Variants in HIVEP2 observed in about 807,000 individuals in gnomAD.
HIVEP2 encodes transcription factor HIVEP2.
A neutral mutation model predicts 180.7 loss-of-function variants in HIVEP2; 14 were observed. The ratio of observed to expected loss-of-function variants is 0.08; its 90% CI spans 0.05 to 0.12. The LOEUF (loss-of-function observed/expected upper bound fraction) is 0.12, where lower values mean the gene tolerates loss of function less well. HIVEP2 is among the 10% of genes least tolerant of loss of function. The pLI is 1.00. For synonymous variants in HIVEP2, 1,184 were observed against 1,136.4 expected, an observed-to-expected ratio of 1.04 and a Z score of -0.84; for missense variants, 2,579 against 3,008.5, an observed-to-expected ratio of 0.86 and a Z score of 3.34.
At chr6:142,853,347 A>G (rs1049143974) in intron 1 of HIVEP2, among the ~76,000 whole-genome samples, 4 of 152,148 alleles carry the variant, frequency 2.6e-5, no homozygotes, top group African/African-American at 9.7e-5. Flanking sequence ...TGTGGTTTCG[A>G]TAAGAATTCA....
At chr6:142,826,559 C>T (rs964960533) in intron 2 of HIVEP2, among the ~76,000 whole-genome samples, 2 of 152,180 alleles carry the variant, frequency 1.3e-5, no homozygotes, top group African/African-American at 2.4e-5. Context: ...TCTAATAAAA[C>T]ATTTTACCAC....
chr6:142,882,751 T>C (rs1416521505), intron 1 of HIVEP2, among the ~76,000 whole-genome samples: 1 of 152,146 alleles, frequency 6.6e-6, no homozygotes, highest in Admixed American at 6.6e-5. Flanking sequence ...ATTTTGAGGG[T>C]TTCTCTTTAT....
chr6:142,835,900 C>A (rs1775210027), intron 2 of HIVEP2, among the ~76,000 whole-genome samples: 1 of 152,094 alleles, frequency 6.6e-6, no homozygotes, highest in South Asian at 2.1e-4. Flanking sequence ...CGCTAAAAAA[C>A]CACCTGACAT....
intron 1 of HIVEP2, among the ~76,000 whole-genome samples, chr6:142,907,087 CATGAA>C (rs957832184): frequency 3.3e-5 from 5 of 152,230 alleles, no homozygotes; most frequent in African/African-American, 1.2e-4. Flanking sequence ...CTACATCTTA[CATGAA>C]ATGAAACTGT....
intron 2 of HIVEP2, among the ~76,000 whole-genome samples, chr6:142,787,735 C>T (rs1271320157): frequency 6.6e-6 from 1 of 151,998 alleles, no homozygotes; most frequent in African/African-American, 2.4e-5. Flanking sequence ...AAGCTTAGAT[C>T]TTCAGAAATA....
At position 142,753,679 on chromosome 6, in the gene HIVEP2, T is replaced by C. The variant is rs760534161; in HGVS notation, c.6769A>G (p.Met2257Val). 3.7e-6 allele frequency: 6 copies of C among 1,614,072 alleles called. No individual in the cohort carries two copies. Among genetic ancestry groups the C allele is most frequent in the Middle Eastern group, 1.6e-4 (1 of 6,062 alleles). ...CCTTTCTTCTCCTCAAAGCCCTCCATTGGCAGGGGCAATGTGGGTGAAGGA... is the reference window on the plus strand; with the variant it reads ...CCTTTCTTCTCCTCAAAGCCCTCCACTGGCAGGGGCAATGTGGGTGAAGGA... ...LHPSPTLPLP[M>V]EGFEEKKGAS... is the part of the protein sequence containing the mutation. Residue 2257 changes from methionine (M) to valine (V), a missense_variant, in exon 10 of 10, where the codon ATG (methionine) becomes GTG (valine). Coordinates refer to ENST00000367603, the MANE Select transcript of HIVEP2 (RefSeq NM_006734.4).
At chr6:142,768,269 A>C in intron 6 of HIVEP2, 113 bp downstream of exon 6, 1 of 948,710 alleles carries the variant, frequency 1.1e-6, no homozygotes, top group Non-Finnish European at 1.6e-6. Context: ...ATAGAAAAGG[A>C]ATTTACTTTC....
At chr6:142,813,456 T>A (rs1341935335) in intron 2 of HIVEP2, among the ~76,000 whole-genome samples, 1 of 152,176 alleles carries the variant, frequency 6.6e-6, no homozygotes, top group African/African-American at 2.4e-5. Flanking sequence ...ATTTAATTGA[T>A]TTTCCTTAAA....
At chr6:142,843,125 C>G (rs570573850) in intron 1 of HIVEP2, among the ~76,000 whole-genome samples, 4 of 152,152 alleles carry the variant, frequency 2.6e-5, no homozygotes, top group Admixed American at 6.6e-5. Flanking sequence ...GATGAGTCAC[C>G]AGGGGAGCTT....
At chr6:142,915,876 G>A (rs1246073941) in intron 1 of HIVEP2, among the ~76,000 whole-genome samples, 5 of 152,118 alleles carry the variant, frequency 3.3e-5, no homozygotes, top group Non-Finnish European at 7.4e-5. Context: ...TCTCCATTTA[G>A]ATAATTCAAA....
chr6:142,902,285 G>A lies in HIVEP2; in HGVS notation c.-641+42814C>T, dbSNP rs567183815. ...GATGTGACACAATTCCTAACATAAT[G>A]TGATGAGATGGGAACCTCGCCTGGT... On this transcript the variant is annotated intron_variant, in intron 1 of 9. Coordinates refer to ENST00000367603, the MANE Select transcript of HIVEP2 (RefSeq NM_006734.4). Among the ~76,000 whole-genome samples the A allele has an allele frequency of 2.6e-5, 4 of 152,098 alleles. No homozygotes were observed. In the South Asian group the frequency reaches 8.3e-4, roughly 32 times the overall value.
intron 2 of HIVEP2, among the ~76,000 whole-genome samples, chr6:142,790,218 T>C (rs924123004): frequency 1.3e-5 from 2 of 152,188 alleles, no homozygotes; most frequent in African/African-American, 2.4e-5. Flanking sequence ...TGTGAAGACA[T>C]GGTAACACCA....
At chr6:142,807,271 T>C (rs1776577519) in intron 2 of HIVEP2, among the ~76,000 whole-genome samples, 1 of 152,138 alleles carries the variant, frequency 6.6e-6, no homozygotes, top group African/African-American at 2.4e-5. Flanking sequence ...CCTTTCCCTT[T>C]GTGTTTAATT....
intron 1 of HIVEP2, among the ~76,000 whole-genome samples, chr6:142,911,355 G>A (rs917227259): frequency 6.6e-6 from 1 of 152,078 alleles, no homozygotes. Flanking sequence ...GATTGCCATA[G>A]GGCATTTAAG....
intron 2 of HIVEP2, among the ~76,000 whole-genome samples, chr6:142,832,419 G>A (rs1775113069): frequency 6.6e-6 from 1 of 152,080 alleles, no homozygotes; most frequent in Admixed American, 6.6e-5. Context: ...CATACAAAAA[G>A]TGGCATGAGA....
At chr6:142,758,695 G>A (rs561427281) in intron 9 of HIVEP2, among the ~76,000 whole-genome samples, 1 of 152,292 alleles carries the variant, frequency 6.6e-6, no homozygotes, top group African/African-American at 2.4e-5. Context: ...AGGCAGGACA[G>A]GTGCTTTTAT....
At chr6:142,879,643 T>C (rs1400215710) in intron 1 of HIVEP2, among the ~76,000 whole-genome samples, 1 of 152,052 alleles carries the variant, frequency 6.6e-6, no homozygotes, top group African/African-American at 2.4e-5. Flanking sequence ...TCATGTTGAC[T>C]TTGGGTCCCT....
At chr6:142,922,368 T>C (rs1163981658) in intron 1 of HIVEP2, among the ~76,000 whole-genome samples, 1 of 152,212 alleles carries the variant, frequency 6.6e-6, no homozygotes, top group Non-Finnish European at 1.5e-5. Flanking sequence ...TGCAAGTCAG[T>C]TCCTTCACTT....
chr6:142,827,057 T>C lies in HIVEP2; in HGVS notation c.-528+9878A>G, dbSNP rs181996139. Among the ~76,000 whole-genome samples, 381 of 152,276 alleles carry C rather than the reference T, an allele frequency of 2.5e-3. 1 individual carries two copies. The highest frequency in any genetic ancestry group is 4.5e-3 in the Non-Finnish European group (307 of 68,016). Reference sequence around the variant, plus strand: ...GTGCCTTTGTGGGGTTTAGGAGCAATTGCTTCTTCTTCCATTCTACTACTC... The same window carrying C: ...GTGCCTTTGTGGGGTTTAGGAGCAACTGCTTCTTCTTCCATTCTACTACTC... On this transcript the variant is annotated intron_variant, in intron 2 of 9. Transcript: ENST00000367603.
Sources: allele counts gnomAD v4.1 joint callset (sites outside exome capture counted in the v4.1 genomes callset), GRCh38; gene constraint gnomAD v4.1.1; transcripts MANE v1.5; gene names NCBI Gene and HGNC (gene_info 2026-07-23, HGNC 2026-07-21).